Variants in GALNT10 observed in about 807,000 individuals in gnomAD.
GALNT10 encodes polypeptide N-acetylgalactosaminyltransferase 10.
In GALNT10, 41 loss-of-function variants were observed where a neutral mutation model predicts 75.0. The ratio of observed to expected loss-of-function variants is 0.55; its 90% CI spans 0.43 to 0.71. The LOEUF (loss-of-function observed/expected upper bound fraction) is 0.71, where lower values mean the gene tolerates loss of function less well. Ranked by LOEUF, GALNT10 falls within the 30% of genes least tolerant of loss-of-function variation. The pLI is 0.00. For synonymous variants in GALNT10, 302 were observed against 313.0 expected (o/e 0.96, Z 0.37); for missense variants, 727 against 818.5 (o/e 0.89, Z 1.36).
At chr5:154,248,398 C>T (rs1490976968) in intron 1 of GALNT10, among the ~76,000 whole-genome samples, 4 of 152,198 alleles carry the variant, frequency 2.6e-5, no homozygotes, top group East Asian at 1.9e-4. Context: ...AACAGCTCCT[C>T]CTTGTACCTC....
At chr5:154,193,428 A>G (rs1774891445) in intron 1 of GALNT10, among the ~76,000 whole-genome samples, 1 of 152,200 alleles carries the variant, frequency 6.6e-6, no homozygotes, top group South Asian at 2.1e-4. Flanking sequence ...GACTTCTCAG[A>G]GTGATGGTGT....
chr5:154,350,202 A>AT (rs2113142843), intron 4 of GALNT10, among the ~76,000 whole-genome samples: 1 of 151,236 alleles, frequency 6.6e-6, no homozygotes, highest in South Asian at 2.1e-4. Context: ...AAAAAAAAAA[A>AT]TGTAGTCCCC....
intron 1 of GALNT10, among the ~76,000 whole-genome samples, chr5:154,270,522 C>A (rs1215952416): frequency 6.6e-6 from 1 of 151,956 alleles, no homozygotes; most frequent in Admixed American, 6.6e-5. Flanking sequence ...TCACGGGTGA[C>A]CCAGTTCAGA....
At chr5:154,284,209 C>T (rs1357238693) in intron 1 of GALNT10, among the ~76,000 whole-genome samples, 1 of 152,114 alleles carries the variant, frequency 6.6e-6, no homozygotes, top group African/African-American at 2.4e-5. Flanking sequence ...ATTAATTTCC[C>T]CCATTTTACA....
chr5:154,234,642 AT>A (rs1753217253), intron 1 of GALNT10, among the ~76,000 whole-genome samples: 2 of 152,348 alleles, frequency 1.3e-5, no homozygotes, highest in East Asian at 3.9e-4. Flanking sequence ...ATTCAAACCC[AT>A]TGAGTCTGGT....
intron 1 of GALNT10, among the ~76,000 whole-genome samples, chr5:154,258,014 A>T (rs986585305): frequency 2.6e-5 from 4 of 152,216 alleles, no homozygotes; most frequent in African/African-American, 9.6e-5. Context: ...AATCTACAGA[A>T]TAAATACGGC....
At chr5:154,232,696 G>C (rs1442164228) in intron 1 of GALNT10, among the ~76,000 whole-genome samples, 1 of 152,212 alleles carries the variant, frequency 6.6e-6, no homozygotes, top group Non-Finnish European at 1.5e-5. Context: ...TCATGAGGCT[G>C]CAAAGGGCTG....
intron 7 of GALNT10, among the ~76,000 whole-genome samples, chr5:154,394,330 A>C (rs549447929): frequency 5.0e-4 from 70 of 140,272 alleles, no homozygotes; most frequent in South Asian, 1.3e-3. Flanking sequence ...AAAAAAAAAA[A>C]AAAAAAACTC....
At chr5:154,256,149 C>T (rs1753605823) in intron 1 of GALNT10, among the ~76,000 whole-genome samples, 1 of 152,074 alleles carries the variant, frequency 6.6e-6, no homozygotes, top group Non-Finnish European at 1.5e-5. Flanking sequence ...GTGACACTGC[C>T]TATTTAAGAG....
chr5:154,416,581 C>T lies in GALNT10; in HGVS notation c.1654-233C>T, dbSNP rs547107274. 1.3e-5 allele frequency among the ~76,000 whole-genome samples: 2 copies of T among 151,690 alleles called. No individual in the cohort carries two copies. The highest frequency in any genetic ancestry group is 1.9e-4 in the East Asian group (1 of 5,164). ...GTCTAGGTCCCAGGCCTGGAAGCTG[C>T]GTGCATCACTTCTGGCCACATCCCA... On this transcript the variant is annotated intron_variant, in intron 11 of 11. Coordinates refer to ENST00000297107, the MANE Select transcript of GALNT10 (RefSeq NM_198321.4). This position sits in a 1 kb window ranked among gnomAD's most constrained non-coding sequence, Gnocchi z 4.5.
intron 1 of GALNT10, among the ~76,000 whole-genome samples, chr5:154,208,381 C>T (rs1775142376): frequency 6.6e-6 from 1 of 152,206 alleles, no homozygotes; most frequent in Non-Finnish European, 1.5e-5. Context: ...CCCTCCCACT[C>T]ACCTCAGGCT....
chr5:154,340,112 A>G (rs1055141179), intron 4 of GALNT10, among the ~76,000 whole-genome samples: 4 of 152,250 alleles, frequency 2.6e-5, no homozygotes, highest in South Asian at 2.1e-4. Context: ...GCACCAACCT[A>G]ACAGTAGCTT....
rs560287408 is a variant in GALNT10, at chr5:154,375,776, C to T, written c.569-501C>T. On this transcript the variant is annotated intron_variant, in intron 4 of 11. Transcript: ENST00000297107. ...TTTCAATAATGCTGCAGAATATTCTCAGGACCCATTATTTGAGCCAAATAA... is the reference window on the plus strand; with the variant it reads ...TTTCAATAATGCTGCAGAATATTCTTAGGACCCATTATTTGAGCCAAATAA... 2.0e-5 allele frequency among the ~76,000 whole-genome samples: 3 copies of T among 152,278 alleles called. No individual in the cohort carries two copies. In the South Asian group the frequency reaches 6.2e-4, roughly 32 times the overall value.
At chr5:154,331,048 T>C (rs765252143) in intron 4 of GALNT10, among the ~76,000 whole-genome samples, 7 of 152,112 alleles carry the variant, frequency 4.6e-5, no homozygotes, top group Non-Finnish European at 7.4e-5. Context: ...TTCCTTTTCC[T>C]TACCACTTAT....
intron 3 of GALNT10, among the ~76,000 whole-genome samples, chr5:154,300,457 AG>A (rs1389022848): frequency 6.6e-6 from 1 of 152,156 alleles, no homozygotes; most frequent in Non-Finnish European, 1.5e-5. Flanking sequence ...TGAATCTCTG[AG>A]GTTGTTACCT....
intron 1 of GALNT10, among the ~76,000 whole-genome samples, chr5:154,249,913 T>G (rs1217079381): frequency 6.6e-6 from 1 of 152,176 alleles, no homozygotes; most frequent in Admixed American, 6.5e-5. Context: ...TTTTTTTTCT[T>G]GACCACACTC....
chr5:154,381,507 C>T (rs958310487), intron 6 of GALNT10, among the ~76,000 whole-genome samples: 22 of 152,208 alleles, frequency 1.4e-4, no homozygotes, highest in South Asian at 4.1e-4. Flanking sequence ...CAAGCTCTCC[C>T]GCTGTATTAG....
intron 1 of GALNT10, among the ~76,000 whole-genome samples, chr5:154,243,123 C>G (rs1753364486): frequency 6.6e-6 from 1 of 151,976 alleles, no homozygotes; most frequent in Non-Finnish European, 1.5e-5. Flanking sequence ...GAGATAGCAT[C>G]AGCCCTCACT....
chr5:154,355,045 T>C (rs1755265915), intron 4 of GALNT10, among the ~76,000 whole-genome samples: 1 of 152,242 alleles, frequency 6.6e-6, no homozygotes, highest in South Asian at 2.1e-4. Context: ...GACATCCACA[T>C]GATAGATGTA....
Sources: allele counts gnomAD v4.1 joint callset (sites outside exome capture counted in the v4.1 genomes callset), GRCh38; gene constraint gnomAD v4.1.1; non-coding constraint Gnocchi (gnomAD v3.1); transcripts MANE v1.5; gene names NCBI Gene and HGNC (gene_info 2026-07-23, HGNC 2026-07-21).